Variants in SLC20A2 observed in about 807,000 individuals in gnomAD.
SLC20A2 encodes solute carrier family 20 member 2.
In SLC20A2, 30 loss-of-function variants were observed where a neutral mutation model predicts 61.0. That is an observed-to-expected ratio of 0.49 (90% confidence interval 0.37 to 0.67). The LOEUF (loss-of-function observed/expected upper bound fraction) is 0.67. SLC20A2 is among the 30% of genes least tolerant of loss of function. The pLI, the probability that SLC20A2 is intolerant of heterozygous loss-of-function variation, is 0.00. For synonymous variants in SLC20A2, 351 were observed against 353.3 expected (o/e 0.99, Z 0.07); for missense variants, 626 against 866.4 (o/e 0.72, Z 3.48).
rs765665468 is a variant in SLC20A2 at position 42,440,893 on chromosome 8, C to G, written c.731-1240G>C. ...TCAGCTCACTGTAACCTCCGCCTCA[C>G]GCGTTCAAGCGATTCTCCTGCCTCA... On this transcript the variant is annotated intron_variant, in intron 6 of 10. Transcript: ENST00000520262. Among the ~76,000 whole-genome samples, 9 of 152,312 alleles carry G rather than the reference C, an allele frequency of 5.9e-5. No individual in the cohort carries two copies. In the South Asian group the frequency reaches 1.9e-3, roughly 32 times the overall value.
chr8:42,528,378 C>A (rs1329954466), intron 1 of SLC20A2, among the ~76,000 whole-genome samples: 2 of 151,506 alleles, frequency 1.3e-5, no homozygotes, highest in Admixed American at 1.3e-4. Flanking sequence ...AGGACAATGG[C>A]GTGAACCCGG....
rs1811166554 is a variant in SLC20A2, at chr8:42,513,836, A to G, written c.-265+27985T>C. Among the ~76,000 whole-genome samples the G allele has an allele frequency of 2.0e-5, 3 of 152,320 alleles. No individual in the cohort carries two copies. In the Middle Eastern group the frequency reaches 0.01, roughly 518 times the overall value. Reference sequence around the variant, plus strand: ...TCTGGGGCTTGGGGGAGATTTTGCGATGGAAATACCCAGGCAGAAAAACAG... The same window carrying G: ...TCTGGGGCTTGGGGGAGATTTTGCGGTGGAAATACCCAGGCAGAAAAACAG... On this transcript the variant is annotated intron_variant, in intron 1 of 10. Transcript: ENST00000342228.
intron 1 of SLC20A2, among the ~76,000 whole-genome samples, chr8:42,495,522 A>G (rs1809859459): frequency 1.3e-5 from 2 of 152,200 alleles, no homozygotes; most frequent in Non-Finnish European, 2.9e-5. Context: ...ACACAGATGT[A>G]GAAAATAACA....
chr8:42,536,903 G>A (rs554624578), intron 1 of SLC20A2, among the ~76,000 whole-genome samples: 14 of 151,832 alleles, frequency 9.2e-5, no homozygotes, highest in African/African-American at 2.9e-4. Flanking sequence ...GTGAAACCCC[G>A]TCTTCTACTA....
chr8:42,446,441 A>T (rs1009828249), intron 5 of SLC20A2, among the ~76,000 whole-genome samples: 1 of 152,240 alleles, frequency 6.6e-6, no homozygotes, highest in African/African-American at 2.4e-5. Flanking sequence ...GTAGTTATGC[A>T]AGAATACTCA....
chr8:42,482,625 G>A (rs776520062), intron 1 of SLC20A2, among the ~76,000 whole-genome samples: 21 of 152,192 alleles, frequency 1.4e-4, no homozygotes, highest in Admixed American at 5.2e-4. Context: ...GGAGGCTGAG[G>A]TAGGAAGATC....
rs745463444 is a variant in SLC20A2, at chr8:42,439,439, G to A, written c.934+11C>T. The A allele has an allele frequency of 4.3e-6, 7 of 1,612,542 alleles. No homozygotes were observed. Among genetic ancestry groups the A allele is most frequent in the Non-Finnish European group, 5.9e-6 (7 of 1,179,858 alleles). On this transcript the variant is annotated intron_variant, in intron 7 of 10. Coordinates refer to ENST00000520262, the MANE Select transcript of SLC20A2 (RefSeq NM_001257180.2). Reference sequence around the variant, plus strand: ...CTGCCACAGAACCCAAGCTCTCCAGGCACATCTTACCGTATGCAGCCCGAG... The same window carrying A: ...CTGCCACAGAACCCAAGCTCTCCAGACACATCTTACCGTATGCAGCCCGAG...
intron 1 of SLC20A2, among the ~76,000 whole-genome samples, chr8:42,517,314 G>T (rs1467149549): frequency 6.6e-6 from 1 of 150,950 alleles, no homozygotes; most frequent in Non-Finnish European, 1.5e-5. Context: ...GCCGCAGTGG[G>T]CCGTGTTCGT....
At chr8:42,461,747 G>A (rs371522216) in intron 4 of SLC20A2, among the ~76,000 whole-genome samples, 14 of 152,088 alleles carry the variant, frequency 9.2e-5, no homozygotes, top group African/African-American at 3.4e-4. Context: ...CAGACTTCTT[G>A]TTTGACCTGT....
chr8:42,515,153 T>C (rs865864682), intron 1 of SLC20A2, among the ~76,000 whole-genome samples: 1 of 152,302 alleles, frequency 6.6e-6, no homozygotes, highest in African/African-American at 2.4e-5. Context: ...GACGTTAAAT[T>C]AGCTTGTCCA....
intron 2 of SLC20A2, among the ~76,000 whole-genome samples, 181 bp from the exon 3 acceptor site, chr8:42,466,098 C>T (rs1189837927): frequency 6.6e-6 from 1 of 152,228 alleles, no homozygotes; most frequent in Non-Finnish European, 1.5e-5. Flanking sequence ...TAAAGGAAAG[C>T]TTCTGCCTTC....
In SLC20A2 at chr8:42,417,640, TG is replaced by T; in HGVS notation, c.*162del. 1 of 630,978 alleles carries T rather than the reference TG, an allele frequency of 1.6e-6. No homozygotes were observed. The highest frequency in any genetic ancestry group is 2.7e-6 in the Non-Finnish European group (1 of 375,788). 39.1% of individuals were successfully genotyped at this position (630,978 alleles called of 1,614,324 possible). A position where few individuals can be genotyped will look rare whatever the true frequency, so the allele number is the denominator to read the frequency against. ...CTCGGGAAGGTGAGTCTCCGCAGCC[TG>T]GGTGAACAGTGTGGGATGGAGCCTC... On this transcript the variant is annotated 3_prime_UTR_variant, in exon 11 of 11. Coordinates refer to ENST00000520262, the MANE Select transcript of SLC20A2 (RefSeq NM_001257180.2).
intron 1 of SLC20A2, among the ~76,000 whole-genome samples, chr8:42,492,676 T>C (rs1809609030): frequency 6.6e-6 from 1 of 151,708 alleles, no homozygotes; most frequent in South Asian, 2.1e-4. Context: ...TTTCAGTTTA[T>C]CAAGGCACTT....
intron 1 of SLC20A2, among the ~76,000 whole-genome samples, chr8:42,486,923 A>G (rs1348668702): frequency 2.6e-5 from 4 of 151,362 alleles, no homozygotes; most frequent in Admixed American, 2.0e-4. Flanking sequence ...CTGGAATGCA[A>G]TGGTGTGATC....
rs142344614 is a variant in SLC20A2 at position 42,496,909 on chromosome 8, C to G, written c.-265+4122G>C. 7.6e-3 allele frequency among the ~76,000 whole-genome samples: 1,162 copies of G among 152,334 alleles called. 1 individual carries two copies. Among genetic ancestry groups the G allele is most frequent in the Non-Finnish European group, 0.012 (798 of 68,036 alleles). Reference sequence around the variant, plus strand: ...GAGCCAACAATAAGCTCCCCACCCCCCATATGGGCTACACGCTACCTCTGC... The same window carrying G: ...GAGCCAACAATAAGCTCCCCACCCCGCATATGGGCTACACGCTACCTCTGC... On this transcript the variant is annotated intron_variant, in intron 1 of 10. Transcript: ENST00000520262.
At chr8:42,507,128 T>G (rs765516625) in intron 1 of SLC20A2, among the ~76,000 whole-genome samples, 1 of 152,150 alleles carries the variant, frequency 6.6e-6, no homozygotes, top group Non-Finnish European at 1.5e-5. Context: ...TCAGAACCAC[T>G]CCGGTGCCCT....
intron 5 of SLC20A2, among the ~76,000 whole-genome samples, chr8:42,445,388 T>C (rs1454937656): frequency 1.3e-5 from 2 of 152,182 alleles, no homozygotes; most frequent in African/African-American, 4.8e-5. Flanking sequence ...ATTTACATAT[T>C]ATTTCAATAT....
chr8:42,453,588 G>C (rs1389652729), intron 5 of SLC20A2, among the ~76,000 whole-genome samples: 1 of 152,184 alleles, frequency 6.6e-6, no homozygotes, highest in African/African-American at 2.4e-5. Flanking sequence ...AGTATGTAAT[G>C]AAAGTCTACA....
chr8:42,531,758 T>C (rs937359881), intron 1 of SLC20A2, among the ~76,000 whole-genome samples: 4 of 152,000 alleles, frequency 2.6e-5, no homozygotes, highest in African/African-American at 9.7e-5. Flanking sequence ...AGGTTAATAT[T>C]TAAGGAGACA....
Sources: allele counts gnomAD v4.1 joint callset (sites outside exome capture counted in the v4.1 genomes callset), GRCh38; gene constraint gnomAD v4.1.1; transcripts MANE v1.5; gene names NCBI Gene and HGNC (gene_info 2026-07-23, HGNC 2026-07-21).